CEP128: variants seen among roughly 807,000 people sequenced by gnomAD.
CEP128 encodes centrosomal protein 128kDa.
In CEP128, 132 loss-of-function variants were observed where a neutral mutation model predicts 156.7. The ratio of observed to expected loss-of-function variants is 0.84; its 90% CI spans 0.73 to 0.97. CEP128 has a LOEUF of 0.97. Among genes scored for constraint, CEP128 ranks in the 50% least tolerant of loss-of-function variants. The probability of loss-of-function intolerance (pLI) is 0.00; values close to 1 mark genes in which losing one functional copy is unlikely to be tolerated. For missense variants in CEP128, 1,252 were observed against 1,281.9 expected (o/e 0.98, Z 0.36); for synonymous variants, 469 against 448.9 (o/e 1.04, Z -0.57).
At chr14:80,853,511 G>A (rs999118844) in intron 9 of CEP128, among the ~76,000 whole-genome samples, 1 of 118,580 alleles carries the variant, frequency 8.4e-6, no homozygotes, top group Non-Finnish European at 2.0e-5. Context: ...AATTAGAGAT[G>A]CAATTTTAAA....
At chr14:80,837,587 C>T (rs1376354414) in intron 11 of CEP128, among the ~76,000 whole-genome samples, 1 of 152,154 alleles carries the variant, frequency 6.6e-6, no homozygotes, top group East Asian at 1.9e-4. Flanking sequence ...TGTGGTGGCG[C>T]ATGCCTGTAA....
chr14:80,489,847 T>C (rs1432615083), downstream of CEP128, among the ~76,000 whole-genome samples: 2 of 151,376 alleles, frequency 1.3e-5, no homozygotes, highest in Non-Finnish European at 2.9e-5. Context: ...CCAGGGTATC[T>C]TGTAGGGATT....
intron 8 of CEP128, 96 bp downstream of exon 8, chr14:80,895,621 CA>C: frequency 1.3e-6 from 1 of 760,590 alleles, no homozygotes. Context: ...ACATACCACC[CA>C]AAAGGTTAAA....
At position 80,897,095 on chromosome 14, in the gene CEP128, G is replaced by A. The variant is rs114082095; in HGVS notation, c.573-1305C>T. On this transcript the variant is annotated intron_variant, in intron 7 of 24. Transcript: ENST00000555265. ...GTCTCTCTGTATGTATGTATAGAATGTTAAAATACATTGCTGTATATCCAC... is the reference window on the plus strand; with the variant it reads ...GTCTCTCTGTATGTATGTATAGAATATTAAAATACATTGCTGTATATCCAC... Among the ~76,000 whole-genome samples the A allele has an allele frequency of 5.3e-3, 811 of 152,288 alleles. 5 individuals carry two copies. The highest frequency in any genetic ancestry group is 0.018 in the African/African-American group (758 of 41,556).
At chr14:80,718,290 T>C (rs17111034) in intron 19 of CEP128, among the ~76,000 whole-genome samples, 17,351 of 152,216 alleles carry the variant, frequency 0.11, 1,437 homozygotes, top group East Asian at 0.43. Context: ...TATAGGTATA[T>C]ACATCACATT....
Position 80,905,938 on chromosome 14 carries a change from A to G in CEP128, c.361+17T>C, listed in dbSNP as rs762955709. On this transcript the variant is annotated intron_variant, in intron 5 of 24. Transcript: ENST00000555265. Reference sequence around the variant, plus strand: ...AAAAATATTTTTAATGTTTTTCAGAACATTTGAAGTGTTTACCTGACCCAG... The same window carrying G: ...AAAAATATTTTTAATGTTTTTCAGAGCATTTGAAGTGTTTACCTGACCCAG... The G allele has an allele frequency of 1.2e-6, 2 of 1,603,286 alleles. No homozygotes were observed. The highest frequency in any genetic ancestry group is 1.7e-6 in the Non-Finnish European group (2 of 1,177,146).
intron 14 of CEP128, among the ~76,000 whole-genome samples, chr14:80,788,966 T>C (rs559438014): frequency 9.8e-4 from 149 of 152,282 alleles, no homozygotes; most frequent in African/African-American, 3.4e-3. Context: ...TACCTAGTGA[T>C]GGTCTTACAT....
At chr14:80,624,407 G>T (rs759416006) in intron 19 of CEP128, among the ~76,000 whole-genome samples, 3 of 152,148 alleles carry the variant, frequency 2.0e-5, no homozygotes, top group South Asian at 2.1e-4. Context: ...GTACCTCTTC[G>T]ATATACTAAT....
Position 80,729,954 on chromosome 14 carries a change from T to C in CEP128, c.2806+13121A>G, listed in dbSNP as rs138703624. 3.9e-5 allele frequency among the ~76,000 whole-genome samples: 6 copies of C among 152,302 alleles called. No individual in the cohort carries two copies. In the East Asian group the frequency reaches 1.2e-3, roughly 29 times the overall value. On this transcript the variant is annotated intron_variant, in intron 19 of 24. Transcript: ENST00000555265. ...TTGAACTGTCAAGCTAAACTCAGCATGAACAAAGACAGAAATATTAACGAG... is the reference window on the plus strand; with the variant it reads ...TTGAACTGTCAAGCTAAACTCAGCACGAACAAAGACAGAAATATTAACGAG...
chr14:80,728,797 A>G (rs570247634), intron 19 of CEP128, among the ~76,000 whole-genome samples: 1 of 152,346 alleles, frequency 6.6e-6, no homozygotes, highest in South Asian at 2.1e-4. Flanking sequence ...ATGTATGCAG[A>G]TATCAACATT....
At chr14:80,521,467 T>G (rs1386301383) in intron 23 of CEP128, among the ~76,000 whole-genome samples, 1 of 152,158 alleles carries the variant, frequency 6.6e-6, no homozygotes, top group Admixed American at 6.5e-5. Context: ...TTAGATCCAT[T>G]ACGATTTTCA....
chr14:80,489,777 C>CGCTCG, downstream of CEP128, among the ~76,000 whole-genome samples: 1 of 152,078 alleles, frequency 6.6e-6, no homozygotes, highest in African/African-American at 2.4e-5. Flanking sequence ...TGTGACATCT[C>CGCTCG]CAGTGGAAGT....
intron 19 of CEP128, among the ~76,000 whole-genome samples, chr14:80,658,007 A>AT (rs1270578291): frequency 1.0e-5 from 1 of 95,566 alleles, no homozygotes; most frequent in Non-Finnish European, 2.1e-5. Context: ...TGACAGCGTT[A>AT]AAAAAAAGTA....
At chr14:80,575,184 G>A (rs1891305538) in intron 20 of CEP128, among the ~76,000 whole-genome samples, 1 of 150,614 alleles carries the variant, frequency 6.6e-6, no homozygotes, top group Non-Finnish European at 1.5e-5. Context: ...TACAAAATCT[G>A]TAAACCCACT....
At chr14:80,571,649 G>A (rs1381874514) in intron 20 of CEP128, among the ~76,000 whole-genome samples, 1 of 152,064 alleles carries the variant, frequency 6.6e-6, no homozygotes, top group Non-Finnish European at 1.5e-5. Context: ...GTCACTTTTT[G>A]CACAATTTAA....
intron 19 of CEP128, among the ~76,000 whole-genome samples, chr14:80,689,358 G>C (rs1273698289): frequency 6.6e-6 from 1 of 150,762 alleles, no homozygotes; most frequent in Non-Finnish European, 1.5e-5. Context: ...GTCTAAATAG[G>C]AGGAGATCAA....
At chr14:80,568,506 CAT>C (rs1185409903) in intron 20 of CEP128, among the ~76,000 whole-genome samples, 4 of 152,290 alleles carry the variant, frequency 2.6e-5, no homozygotes, top group Non-Finnish European at 4.4e-5. Context: ...CCGTCACTCT[CAT>C]ATTCTTTCTG....
chr14:80,530,931 T>G (rs760715906), intron 21 of CEP128, 45 bp from the exon 22 acceptor site: 8 of 1,285,490 alleles, frequency 6.2e-6, no homozygotes, highest in Admixed American at 1.9e-5. Context: ...AAAAAATTGA[T>G]TAATACTCTC....
chr14:80,614,765 G>A (rs527877075), intron 19 of CEP128, among the ~76,000 whole-genome samples: 4 of 152,176 alleles, frequency 2.6e-5, no homozygotes, highest in Non-Finnish European at 5.9e-5. Context: ...CCTAGTGTAC[G>A]ATGACTTTTC....
Sources: gnomAD v4.1 joint callset for allele counts (sites outside exome capture counted in the v4.1 genomes callset) on GRCh38, gnomAD v4.1.1 for gene constraint, MANE v1.5 for transcripts, NCBI Gene and HGNC (gene_info 2026-07-23, HGNC 2026-07-21) for gene names.